Variants in ERI3 observed in about 807,000 individuals in gnomAD.
ERI3 encodes the protein ERI1 exoribonuclease family member 3, also known as ERI1 exoribonuclease 3.
ERI3 carries 18 observed loss-of-function variants against 44.4 expected under a neutral mutation model. That is an observed-to-expected ratio of 0.41 (90% CI 0.28 to 0.60). The LOEUF is 0.60. Among genes scored for constraint, ERI3 ranks in the 20% least tolerant of loss-of-function variants. The pLI is 0.36. For missense variants in ERI3, 294 were observed against 435.5 expected, an observed-to-expected ratio of 0.68 and a Z score of 2.89; for synonymous variants, 183 against 164.8, an observed-to-expected ratio of 1.11 and a Z score of -0.84.
chr1:44,264,870 G>A (rs1417422907), intron 7 of ERI3, among the ~76,000 whole-genome samples: 2 of 152,202 alleles, frequency 1.3e-5, no homozygotes, highest in Non-Finnish European at 2.9e-5. Flanking sequence ...ATTAGGGTGA[G>A]TTAAGTACAA....
intron 8 of ERI3, among the ~76,000 whole-genome samples, chr1:44,227,697 G>A (rs1420299940): frequency 6.6e-6 from 1 of 152,144 alleles, no homozygotes; most frequent in Non-Finnish European, 1.5e-5. Context: ...TCAAATGTTA[G>A]CTTAGAAGGA....
At chr1:44,247,817 A>C (rs1644586374) in intron 8 of ERI3, 122 bp downstream of exon 8, 46 of 504,510 alleles carry the variant, frequency 9.1e-5, no homozygotes, top group East Asian at 1.6e-4. Flanking sequence ...CCCCCCACCT[A>C]TGTAGAGAGC....
chr1:44,330,528 G>A (rs1646406591), intron 3 of ERI3, among the ~76,000 whole-genome samples: 1 of 152,168 alleles, frequency 6.6e-6, no homozygotes, highest in Non-Finnish European at 1.5e-5. Flanking sequence ...CTTCCTTTCT[G>A]ACTCTCCCAA....
chr1:44,333,263 CATA>C (rs748166043), intron 3 of ERI3, among the ~76,000 whole-genome samples: 1 of 152,232 alleles, frequency 6.6e-6, no homozygotes, highest in Non-Finnish European at 1.5e-5. Flanking sequence ...TAATCTCAAC[CATA>C]ATGTTACATT....
intron 7 of ERI3, among the ~76,000 whole-genome samples, chr1:44,272,521 C>T (rs1361893389): frequency 6.6e-6 from 1 of 152,134 alleles, no homozygotes; most frequent in Non-Finnish European, 1.5e-5. Flanking sequence ...TACTATTTTT[C>T]CAGGTTTTTG....
intron 6 of ERI3, among the ~76,000 whole-genome samples, chr1:44,299,660 A>G (rs1645683568): frequency 6.6e-6 from 1 of 152,236 alleles, no homozygotes; most frequent in Non-Finnish European, 1.5e-5. Context: ...GACAGAAGTC[A>G]GAAAGGCCCA....
intron 3 of ERI3, among the ~76,000 whole-genome samples, chr1:44,321,105 A>T (rs915385687): frequency 2.0e-5 from 3 of 152,200 alleles, no homozygotes; most frequent in African/African-American, 7.2e-5. Context: ...GAAATGGTCA[A>T]TCTCCTTGAT....
chr1:44,294,133 A>C (rs1645563959), intron 6 of ERI3, among the ~76,000 whole-genome samples: 1 of 152,198 alleles, frequency 6.6e-6, no homozygotes, highest in Non-Finnish European at 1.5e-5. Flanking sequence ...TATAGTACAG[A>C]TGAAAGGCCG....
At chr1:44,259,920 T>TAGATAGATAGACAGACAGAC (rs778936296) in intron 7 of ERI3, among the ~76,000 whole-genome samples, 66 of 129,730 alleles carry the variant, frequency 5.1e-4, no homozygotes, top group African/African-American at 1.5e-3. Context: ...GATAGATAGA[T>TAGATAGATAGACAGACAGAC]AGACAGACAG....
At chr1:44,279,517 T>G (rs992285299) in intron 7 of ERI3, among the ~76,000 whole-genome samples, 2 of 152,184 alleles carry the variant, frequency 1.3e-5, no homozygotes. Context: ...TAAGCCACCA[T>G]GCCTGGTCTT....
intron 6 of ERI3, among the ~76,000 whole-genome samples, chr1:44,287,867 A>G (rs1645426409): frequency 6.6e-6 from 1 of 152,220 alleles, no homozygotes. Flanking sequence ...CAGAATCTAC[A>G]AAGGAATAAG....
In ERI3 at chr1:44,284,865, A is replaced by C. The variant is rs1187070661; in HGVS notation, c.801T>G (p.Asp267Glu). The C allele has an allele frequency of 6.2e-7, 1 of 1,614,148 alleles. No homozygotes were observed. Residue 267 changes from aspartate to glutamate, a missense_variant, in exon 7 of 9, where the codon GAT becomes GAG. This residue lies in a region of ERI3 where 187 missense variants were observed against 338.6 expected (regional missense o/e 0.55). Coordinates refer to ENST00000372257, the MANE Select transcript of ERI3 (RefSeq NM_024066.3). ...QCQYLGLPVA[D>E]YFKQWINLKK... The stretch of plus-strand genomic sequence containing the variant: ...TCAGATTAATCCACTGCTTGAAGTA[A>C]TCCGCCACTGGCAAGCCCAAGTACT...
At chr1:44,330,375 C>G (rs1646404076) in intron 3 of ERI3, among the ~76,000 whole-genome samples, 1 of 152,152 alleles carries the variant, frequency 6.6e-6, no homozygotes. Context: ...GTTTTGCCAC[C>G]CACAGGCCTT....
chr1:44,222,031 C>T (rs183428697), intron 8 of ERI3, among the ~76,000 whole-genome samples: 36 of 152,380 alleles, frequency 2.4e-4, no homozygotes, highest in Non-Finnish European at 3.8e-4. Context: ...GTCCGCCACA[C>T]TCCGTCTTCC....
At chr1:44,292,091 A>G (rs922133150) in intron 6 of ERI3, among the ~76,000 whole-genome samples, 1 of 152,198 alleles carries the variant, frequency 6.6e-6, no homozygotes, top group South Asian at 2.1e-4. Context: ...GGCTATAAGG[A>G]GATCGATTGA....
intron 2 of ERI3, among the ~76,000 whole-genome samples, chr1:44,340,616 TGAATGAGCTACAGTA>T (rs1231217225): frequency 6.6e-6 from 1 of 152,238 alleles, no homozygotes; most frequent in African/African-American, 2.4e-5. Flanking sequence ...CCTGACTCAC[TGAATGAGCTACAGTA>T]ACTTGCCTAT....
intron 8 of ERI3, among the ~76,000 whole-genome samples, chr1:44,246,192 C>T (rs1644551911): frequency 6.6e-6 from 1 of 152,182 alleles, no homozygotes; most frequent in African/African-American, 2.4e-5. Flanking sequence ...ATTTGCCACT[C>T]TAGTCATGGG....
intron 6 of ERI3, among the ~76,000 whole-genome samples, chr1:44,304,415 A>C (rs1247558800): frequency 6.6e-6 from 1 of 152,220 alleles, no homozygotes; most frequent in Non-Finnish European, 1.5e-5. Context: ...TATCTACCCA[A>C]GTGACTGAGG....
intron 7 of ERI3, among the ~76,000 whole-genome samples, chr1:44,255,345 C>T (rs1644759614): frequency 6.6e-6 from 1 of 152,170 alleles, no homozygotes; most frequent in African/African-American, 2.4e-5. Flanking sequence ...CAGCCTGCTC[C>T]ATCTCTGAAA....
Sources: gnomAD v4.1 joint callset for allele counts (sites outside exome capture counted in the v4.1 genomes callset) on GRCh38, gnomAD v4.1.1 for gene constraint, gnomAD v4.1.1 regional missense constraint, MANE v1.5 for transcripts, NCBI Gene and HGNC (gene_info 2026-07-23, HGNC 2026-07-21) for gene names.